Variants in NOM1 observed in about 807,000 individuals in gnomAD.
NOM1 encodes the protein nucleolar MIF4G domain-containing protein 1.
A neutral mutation model predicts 73.3 loss-of-function variants in NOM1; 58 were observed. The observed-to-expected ratio is 0.79, with a 90% CI of 0.64 to 0.99. The LOEUF (loss-of-function observed/expected upper bound fraction) is 0.99, where lower values mean the gene tolerates loss of function less well. Ranked by LOEUF, NOM1 falls within the 50% of genes least tolerant of loss-of-function variation. NOM1 has a pLI of 0.00. For missense variants in NOM1, 1,226 were observed against 1,131.9 expected (o/e 1.08, Z -1.19); for synonymous variants, 487 against 446.8 (o/e 1.09, Z -1.14).
Position 156,967,034 on chromosome 7 carries a change from T to G in NOM1, c.2240T>G (p.Leu747Trp). The change falls in exon 9 of 11, where the codon TTG becomes TGG. Residue 747 changes from leucine (L) to tryptophan (W), a missense_variant. Physicochemically the swap from Leu to Trp is moderately conservative, Grantham distance 61. Coordinates refer to ENST00000275820, the MANE Select transcript of NOM1 (RefSeq NM_138400.2). The part of the protein sequence containing the change: ...ENLPATNFSN[L>W]VHLVAHLLKT... The stretch of plus-strand genomic sequence containing the variant: ...TTGCCAGCTACGAATTTCTCTAATT[T>G]GGTTCATCTGGTGGCCCACTTGTTG... 2 of 1,614,050 alleles carry G rather than the reference T, an allele frequency of 1.2e-6. No homozygotes were observed. The highest frequency in any genetic ancestry group is 1.7e-6 in the Non-Finnish European group (2 of 1,180,008).
chr7:156,960,253 G>C (rs1804831640), intron 4 of NOM1, 79 bp downstream of exon 4: 2 of 1,164,458 alleles, frequency 1.7e-6, no homozygotes, highest in East Asian at 4.7e-5. Context: ...CAGTATCTGG[G>C]GTAAATATTA....
chr7:156,967,208 A>T, intron 9 of NOM1, 116 bp downstream of exon 9: 1 of 1,254,088 alleles, frequency 8.0e-7, no homozygotes, highest in Non-Finnish European at 1.1e-6. Context: ...GATTCATCTG[A>T]AAAGTGCTTG....
intron 3 of NOM1, 91 bp from the exon 4 acceptor site, chr7:156,959,760 T>C: frequency 7.8e-7 from 1 of 1,279,100 alleles, no homozygotes; most frequent in South Asian, 1.3e-5. Context: ...TGTGGCACTT[T>C]GTTAATTTAG....
Position 156,952,528 on chromosome 7 carries a change from GAGACAGTGGACTTCA to G in NOM1, c.1046_1060del (p.Thr349_Lys353del). ...CCCACCTCATGTGAGGCAAGCTGAG[GAGACAGTGGACTTCA>G]AGAAAAAGGAAGAACTAGAAAGGCT... On this transcript the variant is annotated inframe_deletion, in exon 2 of 11. Transcript: ENST00000275820. 6.2e-7 allele frequency: 1 copy of G among 1,614,062 alleles called. No individual in the cohort carries two copies. The highest frequency in any genetic ancestry group is 8.5e-7 in the Non-Finnish European group (1 of 1,179,950).
At chr7:156,963,571 C>T (rs748765067) in intron 6 of NOM1, 109 of 379,202 alleles carry the variant, frequency 2.9e-4, no homozygotes, top group Middle Eastern at 1.5e-3. Context: ...GTTATCCCCT[C>T]ATGTCCTTCC....
Position 156,960,096 on chromosome 7 carries a change from T to C in NOM1, c.1554T>C (p.Ala518=). Reference sequence around the variant, plus strand: ...GTTTTTCATTGAGGAAAGATGATGCTTTATCACTTAAGGAATTGATCACTG... The same window carrying C: ...GTTTTTCATTGAGGAAAGATGATGCCTTATCACTTAAGGAATTGATCACTG... The part of the protein sequence containing the change: ...NVGFSLRKDD[A]LSLKELITEA... Residue 518 remains alanine, a synonymous_variant, in exon 4 of 11, where the codon GCT becomes GCC. Transcript: ENST00000275820. The C allele has an allele frequency of 6.2e-7, 1 of 1,614,178 alleles. No homozygotes were observed. Among genetic ancestry groups the C allele is most frequent in the Non-Finnish European group, 8.5e-7 (1 of 1,180,024 alleles).
At chr7:156,959,532 G>A (rs1048540179) in intron 3 of NOM1, among the ~76,000 whole-genome samples, 5 of 152,156 alleles carry the variant, frequency 3.3e-5, no homozygotes, top group Non-Finnish European at 7.3e-5. Flanking sequence ...GTGAGCCACC[G>A]CACCTGGCCA....
intron 7 of NOM1, among the ~76,000 whole-genome samples, chr7:156,965,471 G>A (rs1332881247): frequency 2.0e-5 from 3 of 152,210 alleles, no homozygotes; most frequent in East Asian, 1.9e-4. Context: ...AGTGGCCCAC[G>A]GCAAGGGTGG....
In NOM1 at chr7:156,952,146, G is replaced by T. The variant is rs575758824; in HGVS notation, c.988-328G>T. Among the ~76,000 whole-genome samples the T allele has an allele frequency of 4.6e-5, 7 of 152,268 alleles. No individual in the cohort carries two copies. The East Asian group carries it at 1.3e-3, about 29-fold the overall frequency. Reference sequence around the variant, plus strand: ...ACTGTGCCTGCAGTAAGTTAAGGCCGAGCAAAAGCGCAGTAGATAGGGCTC... The same window carrying T: ...ACTGTGCCTGCAGTAAGTTAAGGCCTAGCAAAAGCGCAGTAGATAGGGCTC... On this transcript the variant is annotated intron_variant, in intron 1 of 10. Coordinates refer to ENST00000275820, the MANE Select transcript of NOM1 (RefSeq NM_138400.2).
rs577192833 is a variant in NOM1, at chr7:156,952,407, T to G, written c.988-67T>G. 1.6e-4 allele frequency: 248 copies of G among 1,536,740 alleles called. 1 individual carries two copies. In the South Asian group the frequency reaches 2.8e-3, roughly 18 times the overall value. On this transcript the variant is annotated intron_variant, in intron 1 of 10. Transcript: ENST00000275820. ...GAAGTTTAATATTTAAATACACATA[T>G]GGCAAAGAAAAAACACAGGATTTGG...
chr7:156,969,658 C>T lies in NOM1; in HGVS notation c.2538C>T (p.Asp846=), dbSNP rs1485424924. 1.9e-6 allele frequency: 3 copies of T among 1,613,356 alleles called. No individual in the cohort carries two copies. The highest frequency in any genetic ancestry group is 2.5e-6 in the Non-Finnish European group (3 of 1,179,630). Residue 846 remains aspartate, a synonymous_variant, in exon 11 of 11, where the codon GAC becomes GAT. Transcript: ENST00000275820. The part of the protein sequence containing the change: ...DEANVLREKA[D]LATKCLQGKA... ...CCAACGTGCTGAGAGAGAAAGCTGACCTTGCAACGAAGTGTCTGCAAGGAA... is the reference window on the plus strand; with the variant it reads ...CCAACGTGCTGAGAGAGAAAGCTGATCTTGCAACGAAGTGTCTGCAAGGAA...
intron 6 of NOM1, chr7:156,963,389 C>G (rs1180597721): frequency 1.5e-5 from 9 of 615,294 alleles, no homozygotes; most frequent in Non-Finnish European, 2.6e-5. Context: ...TTTAAAAGAT[C>G]TAAAAGTTGA....
intron 1 of NOM1, among the ~76,000 whole-genome samples, chr7:156,951,600 G>C (rs555847762): frequency 6.6e-6 from 1 of 152,116 alleles, no homozygotes; most frequent in East Asian, 1.9e-4. Flanking sequence ...ATTGAACCAG[G>C]TTTAAACTAC....
intron 9 of NOM1, 117 bp from the exon 10 acceptor site, chr7:156,968,970 G>A (rs1032919254): frequency 1.1e-5 from 7 of 657,670 alleles, no homozygotes; most frequent in Admixed American, 2.7e-5. Context: ...TTCTTAAATC[G>A]GGTAGAGTGG....
Position 156,969,801 on chromosome 7 carries a change from G to A in NOM1, c.*98G>A. 1 of 1,165,824 alleles carries A rather than the reference G, an allele frequency of 8.6e-7. No homozygotes were observed. 72.2% of individuals were successfully genotyped at this position (1,165,824 alleles called of 1,614,324 possible). On this transcript the variant is annotated 3_prime_UTR_variant, in exon 11 of 11. Transcript: ENST00000275820. The stretch of plus-strand genomic sequence containing the variant: ...TGCCTGCGTGTGAATGTTTGGTAGA[G>A]CTATATCATTGTCTGTTAATGTATT...
chr7:156,962,053 G>A (rs1586571750), intron 4 of NOM1, 98 bp from the exon 5 acceptor site: 3 of 918,970 alleles, frequency 3.3e-6, no homozygotes, highest in Non-Finnish European at 5.3e-6. Context: ...GGCGGTGGCG[G>A]CCATGTGCAT....
rs1318764326 is a variant in NOM1, at chr7:156,969,759, C to A, written c.*56C>A. 17 of 1,509,424 alleles carry A rather than the reference C, an allele frequency of 1.1e-5. No homozygotes were observed. Among genetic ancestry groups the A allele is most frequent in the Non-Finnish European group, 1.4e-5 (16 of 1,116,510 alleles). The allele number at this position is 1,509,424 out of a possible 1,614,324, so 93.5% of individuals were successfully genotyped here. ...TGACTGTAAAATGTCCTTGGTAAAC[C>A]CAAAGGCTTATTCTGTTGCCTGCGT... On this transcript the variant is annotated 3_prime_UTR_variant, in exon 11 of 11. Coordinates refer to ENST00000275820, the MANE Select transcript of NOM1 (RefSeq NM_138400.2).
chr7:156,950,183 T>TCAAGGC lies in NOM1; in HGVS notation c.455_460dup (p.Lys152_Ala153dup), dbSNP rs779564949. On this transcript the variant is annotated inframe_insertion, in exon 1 of 11. Coordinates refer to ENST00000275820, the MANE Select transcript of NOM1 (RefSeq NM_138400.2). Reference sequence around the variant, plus strand: ...CCCAGGAAGCCGCGGCCGTCCCGGGTCAAGGCCAAGGCCACGGCCGCCACC... The same window carrying TCAAGGC: ...CCCAGGAAGCCGCGGCCGTCCCGGGTCAAGGCCAAGGCCAAGGCCACGGCCGCCACC... 5.8e-5 allele frequency: 93 copies of TCAAGGC among 1,606,122 alleles called. No homozygotes were observed. In the Admixed American group the frequency reaches 1.5e-3, roughly 26 times the overall value.
In NOM1 at chr7:156,964,037, G is replaced by A. The variant is rs747852442; in HGVS notation, c.2033+11G>A. On this transcript the variant is annotated intron_variant, in intron 7 of 10. Transcript: ENST00000275820. ...TGAAAAGCTTCTGAAGTAAGCATTT[G>A]TGTGCACATTTTGACCTATTAATGA... The A allele has an allele frequency of 1.2e-6, 2 of 1,610,220 alleles. No homozygotes were observed. The highest frequency in any genetic ancestry group is 2.2e-5 in the East Asian group (1 of 44,846).
Sources: gnomAD v4.1 joint callset for allele counts (sites outside exome capture counted in the v4.1 genomes callset) on GRCh38, gnomAD v4.1.1 for gene constraint, MANE v1.5 for transcripts, NCBI Gene and HGNC (gene_info 2026-07-23, HGNC 2026-07-21) for gene names.